Variants in SLC16A7 observed in about 807,000 individuals in gnomAD.
SLC16A7 encodes monocarboxylate transporter 2.
SLC16A7 carries 33 observed loss-of-function variants against 34.9 expected under a neutral mutation model. The ratio of observed to expected loss-of-function variants is 0.94; its 90% confidence interval spans 0.72 to 1.26. SLC16A7 has a LOEUF of 1.26. Ranked by LOEUF, SLC16A7 falls within the 50% of genes most tolerant of loss-of-function variation. The pLI, the probability that SLC16A7 is intolerant of heterozygous loss-of-function variation, is 0.00. For missense variants in SLC16A7, 573 were observed against 578.1 expected, an observed-to-expected ratio of 0.99 and a Z score of 0.09; for synonymous variants, 201 against 206.6, an observed-to-expected ratio of 0.97 and a Z score of 0.23.
At chr12:59,766,995 G>GC (rs535028263) in intron 3 of SLC16A7, among the ~76,000 whole-genome samples, 201 of 151,998 alleles carry the variant, frequency 1.3e-3, no homozygotes, top group African/African-American at 4.7e-3. Context: ...ATTAATTATT[G>GC]CCTCAAATTC....
At position 59,774,912 on chromosome 12, in the gene SLC16A7, A is replaced by C. The variant is rs1312187146; in HGVS notation, c.617A>C (p.Lys206Thr). 4 of 1,613,878 alleles carry C rather than the reference A, an allele frequency of 2.5e-6. No homozygotes were observed. In the African/African-American group the frequency reaches 5.3e-5, roughly 22 times the overall value. Residue 206 changes from lysine to threonine, a missense_variant, in exon 5 of 6, where the codon AAG (lysine) becomes ACG (threonine). Transcript: ENST00000547379. ...RPLGPNQTTS[K>T]SKNKTGKTED... The stretch of plus-strand genomic sequence containing the variant: ...CTTGGACCCAATCAAACCACTTCTA[A>C]GTCTAAAAATAAGACTGGCAAAACA...
At chr12:59,729,870 G>A (rs1876731733) in intron 3 of SLC16A7, among the ~76,000 whole-genome samples, 1 of 152,202 alleles carries the variant, frequency 6.6e-6, no homozygotes, top group Non-Finnish European at 1.5e-5. Context: ...CACCTGGAAA[G>A]TGCTATCCAG....
chr12:59,683,338 C>T (rs941711044), intron 2 of SLC16A7, among the ~76,000 whole-genome samples: 1 of 152,042 alleles, frequency 6.6e-6, no homozygotes, highest in Admixed American at 6.5e-5. Context: ...AGTACTGTTG[C>T]GAGATTAATC....
intron 2 of SLC16A7, among the ~76,000 whole-genome samples, chr12:59,661,214 T>G (rs1219634390): frequency 1.3e-5 from 2 of 152,018 alleles, no homozygotes; most frequent in Non-Finnish European, 2.9e-5. Context: ...CAATTTAGGC[T>G]AAGATTTGGG....
chr12:59,734,010 G>GC (rs1193973319), intron 3 of SLC16A7: 2 of 345,816 alleles, frequency 5.8e-6, no homozygotes, highest in Admixed American at 7.5e-5. Flanking sequence ...CCATGGGTGG[G>GC]CCTGGAAAAA....
chr12:59,614,900 G>A (rs1438393428), intron 1 of SLC16A7, among the ~76,000 whole-genome samples: 2 of 151,172 alleles, frequency 1.3e-5, no homozygotes, highest in Admixed American at 1.3e-4. Context: ...CTACTTGGGA[G>A]GCTGAGGCAG....
chr12:59,720,993 A>G (rs1371285459), intron 3 of SLC16A7, among the ~76,000 whole-genome samples: 1 of 152,076 alleles, frequency 6.6e-6, no homozygotes, highest in Middle Eastern at 3.2e-3. Context: ...GGCTAAAGCC[A>G]TCAGCTTAGT....
At chr12:59,750,437 T>C (rs562273928) in intron 3 of SLC16A7, among the ~76,000 whole-genome samples, 1 of 152,294 alleles carries the variant, frequency 6.6e-6, no homozygotes, top group East Asian at 1.9e-4. Context: ...AAGACATTTA[T>C]GCAGCCAAGA....
At chr12:59,757,407 AAAG>A (rs1880506701) in intron 3 of SLC16A7, among the ~76,000 whole-genome samples, 1 of 152,170 alleles carries the variant, frequency 6.6e-6, no homozygotes, top group Admixed American at 6.5e-5. Context: ...AATAATAAAA[AAAG>A]AAGACAAAGT....
chr12:59,661,073 A>C (rs1868824952), intron 2 of SLC16A7, among the ~76,000 whole-genome samples: 1 of 151,998 alleles, frequency 6.6e-6, no homozygotes. Flanking sequence ...TGTTATTCCT[A>C]TGTGGAGGAG....
chr12:59,671,674 C>CTA (rs1382157658), intron 2 of SLC16A7, among the ~76,000 whole-genome samples: 88 of 139,132 alleles, frequency 6.3e-4, no homozygotes, highest in East Asian at 5.3e-4. Flanking sequence ...CTCTCTCTCT[C>CTA]TCTCTATATA....
At chr12:59,601,390 G>T (rs1300231133) in intron 1 of SLC16A7, among the ~76,000 whole-genome samples, 1 of 151,994 alleles carries the variant, frequency 6.6e-6, no homozygotes, top group Non-Finnish European at 1.5e-5. Context: ...AGTTTCTAAG[G>T]GATATTAACA....
In SLC16A7 at chr12:59,784,921, T is replaced by TCAATG. The variant is rs1344208583; in HGVS notation, c.*5245_*5249dup. The TCAATG allele has an allele frequency of 6.6e-6, 1 of 152,214 alleles. No homozygotes were observed. Among genetic ancestry groups the TCAATG allele is most frequent in the Non-Finnish European group, 1.5e-5 (1 of 68,030 alleles). The allele number at this position is 152,214 out of a possible 1,614,324, so 9.4% of individuals were successfully genotyped here. A position where few individuals can be genotyped will look rare whatever the true frequency, so the allele number is the denominator to read the frequency against. ...ACCATTATGTATTATTCTGTCTCCA[T>TCAATG]CAATGCAGTGACATCACTGATACAT... On this transcript the variant is annotated 3_prime_UTR_variant, in exon 6 of 6. Transcript: ENST00000547379.
chr12:59,731,727 C>T (rs1199681431), intron 3 of SLC16A7, among the ~76,000 whole-genome samples: 2 of 152,104 alleles, frequency 1.3e-5, no homozygotes, highest in African/African-American at 4.8e-5. Flanking sequence ...TGGCCCACAC[C>T]AACAAGGAAA....
In SLC16A7 at chr12:59,766,070, T is replaced by C. The variant is rs557463698; in HGVS notation, c.218-5149T>C. Among the ~76,000 whole-genome samples the C allele has an allele frequency of 1.5e-4, 23 of 152,330 alleles. No individual in the cohort carries two copies. The East Asian group carries it at 4.4e-3, about 29-fold the overall frequency. On this transcript the variant is annotated intron_variant, in intron 3 of 5. Transcript: ENST00000547379. Reference sequence around the variant, plus strand: ...TCTCATCCCTTGTAAGTTGGATTCCTAGGTATTTTAATTCTCTTTGAAGCA... The same window carrying C: ...TCTCATCCCTTGTAAGTTGGATTCCCAGGTATTTTAATTCTCTTTGAAGCA...
At chr12:59,643,446 G>A (rs1220362234) in intron 1 of SLC16A7, among the ~76,000 whole-genome samples, 1 of 151,978 alleles carries the variant, frequency 6.6e-6, no homozygotes, top group African/African-American at 2.4e-5. Flanking sequence ...ACATTTATTG[G>A]CCCTCTAGGC....
chr12:59,734,464 C>T (rs1288495859), intron 3 of SLC16A7, among the ~76,000 whole-genome samples: 2 of 152,230 alleles, frequency 1.3e-5, no homozygotes, highest in Non-Finnish European at 2.9e-5. Context: ...TCCTGGGCCC[C>T]AGAGAGTGCA....
At chr12:59,762,353 TAA>T (rs1881108508) in intron 3 of SLC16A7, among the ~76,000 whole-genome samples, 1 of 152,150 alleles carries the variant, frequency 6.6e-6, no homozygotes, top group African/African-American at 2.4e-5. Flanking sequence ...TGTGTTACGA[TAA>T]ATTCATAAGT....
At chr12:59,761,901 A>G (rs1351523996) in intron 3 of SLC16A7, among the ~76,000 whole-genome samples, 2 of 152,098 alleles carry the variant, frequency 1.3e-5, no homozygotes, top group Admixed American at 1.3e-4. Flanking sequence ...TTACTAAAAG[A>G]GAAGTCCTAA....
Sources: allele counts gnomAD v4.1 joint callset (sites outside exome capture counted in the v4.1 genomes callset), GRCh38; gene constraint gnomAD v4.1.1; transcripts MANE v1.5; gene names NCBI Gene and HGNC (gene_info 2026-07-23, HGNC 2026-07-21).